ARHGAP42: variants seen among roughly 807,000 people sequenced by gnomAD.
ARHGAP42 encodes Rho GTPase activating protein 42, also known as rho GTPase-activating protein 42.
ARHGAP42 carries 63 observed loss-of-function variants against 125.0 expected under a neutral mutation model. The ratio of observed to expected loss-of-function variants is 0.50; its 90% CI spans 0.41 to 0.62. The LOEUF is 0.62. Ranked by LOEUF, ARHGAP42 falls within the 20% of genes least tolerant of loss-of-function variation. The probability of loss-of-function intolerance (pLI) is 0.00; values close to 1 mark genes in which losing one functional copy is unlikely to be tolerated. For missense variants in ARHGAP42, 766 were observed against 1,024.2 expected, an observed-to-expected ratio of 0.75 and a Z score of 3.44; for synonymous variants, 339 against 351.0, an observed-to-expected ratio of 0.97 and a Z score of 0.38.
chr11:100,976,387 G>C lies in ARHGAP42; in HGVS notation c.2186G>C (p.Gly729Ala). 2 of 1,546,052 alleles carry C rather than the reference G, an allele frequency of 1.3e-6. No homozygotes were observed. Among genetic ancestry groups the C allele is most frequent in the Non-Finnish European group, 1.7e-6 (2 of 1,145,522 alleles). Residue 729 changes from glycine to alanine, a missense_variant, in exon 20 of 24, where the codon GGA (glycine) becomes GCA (alanine). Coordinates refer to ENST00000298815, the MANE Select transcript of ARHGAP42 (RefSeq NM_152432.4). ...LVKKEPYGLS[G>A]LKRASASSLR... ...AAGAAAGAGCCTTATGGGCTTTCAG[G>C]ACTGAAAAGAGCTTCTGCTTCTTCT...
chr11:100,891,424 A>G (rs2135192431), intron 4 of ARHGAP42, among the ~76,000 whole-genome samples: 1 of 148,190 alleles, frequency 6.7e-6, no homozygotes, highest in South Asian at 2.1e-4. Flanking sequence ...ATAGGAAATA[A>G]CTTAAAAGCA....
At chr11:100,885,299 T>C (rs1866064502) in intron 4 of ARHGAP42, among the ~76,000 whole-genome samples, 1 of 152,190 alleles carries the variant, frequency 6.6e-6, no homozygotes, top group African/African-American at 2.4e-5. Flanking sequence ...CCAGAAAGTT[T>C]AGGGAACTAA....
At chr11:100,901,437 C>T (rs920083067) in intron 4 of ARHGAP42, among the ~76,000 whole-genome samples, 1 of 152,254 alleles carries the variant, frequency 6.6e-6, no homozygotes, top group African/African-American at 2.4e-5. Flanking sequence ...AACCACTGCT[C>T]TCTTCACCAT....
Position 100,945,547 on chromosome 11 carries a change from T to C in ARHGAP42, c.1043+1679T>C, listed in dbSNP as rs537879429. Among the ~76,000 whole-genome samples the C allele has an allele frequency of 2.6e-5, 4 of 152,216 alleles. No individual in the cohort carries two copies. The South Asian group carries it at 8.3e-4, about 32-fold the overall frequency. ...TCAGAAGTCTAACTTATTCCTCTTA[T>C]TCCTTGATCCATGTGCTACATAATA... is the stretch of plus-strand genomic sequence containing the variant. On this transcript the variant is annotated intron_variant, in intron 10 of 23. Coordinates refer to ENST00000298815, the MANE Select transcript of ARHGAP42 (RefSeq NM_152432.4).
intron 1 of ARHGAP42, among the ~76,000 whole-genome samples, chr11:100,739,223 C>A (rs1862128192): frequency 6.7e-6 from 1 of 149,898 alleles, no homozygotes; most frequent in African/African-American, 2.4e-5. Context: ...CTGAGTTTTA[C>A]CAAAGTGATC....
chr11:100,786,623 A>C lies in ARHGAP42; in HGVS notation c.251-8482A>C, dbSNP rs11224445. Among the ~76,000 whole-genome samples, 365 of 152,242 alleles carry C rather than the reference A, an allele frequency of 2.4e-3. 7 individuals are homozygous for C. The highest frequency in any genetic ancestry group is 0.023 in the Admixed American group (347 of 15,280). On this transcript the variant is annotated intron_variant, in intron 2 of 23. Coordinates refer to ENST00000298815, the MANE Select transcript of ARHGAP42 (RefSeq NM_152432.4). ...GAGTAGGTATTACTAAGTTGTTTTA[A>C]GCTAGTTCTGGGAGAGTATCCTAAG...
chr11:100,745,628 T>G (rs2120351798), intron 1 of ARHGAP42, among the ~76,000 whole-genome samples: 1 of 152,332 alleles, frequency 6.6e-6, no homozygotes, highest in Admixed American at 6.5e-5. Context: ...AATGCCTTTG[T>G]TATACTTCCA....
At chr11:100,710,664 C>T (rs1265636062) in intron 1 of ARHGAP42, among the ~76,000 whole-genome samples, 16 of 151,440 alleles carry the variant, frequency 1.1e-4, no homozygotes, top group Admixed American at 2.6e-4. Flanking sequence ...CTCAGCCTCC[C>T]GAAGTAGCTG....
At chr11:100,784,846 A>T (rs1249681210) in intron 2 of ARHGAP42, among the ~76,000 whole-genome samples, 1 of 152,178 alleles carries the variant, frequency 6.6e-6, no homozygotes, top group East Asian at 1.9e-4. Context: ...CTTGCATGTT[A>T]TTTAATCTGT....
chr11:100,871,156 C>T (rs992057386), intron 4 of ARHGAP42, among the ~76,000 whole-genome samples: 3 of 152,046 alleles, frequency 2.0e-5, no homozygotes, highest in Admixed American at 1.3e-4. Context: ...TAATTGGAAA[C>T]CCTCTAAAGA....
At chr11:100,723,711 C>T (rs1861804962) in intron 1 of ARHGAP42, among the ~76,000 whole-genome samples, 1 of 152,024 alleles carries the variant, frequency 6.6e-6, no homozygotes, top group African/African-American at 2.4e-5. Flanking sequence ...CATCTGTAAA[C>T]AAAAACTTTT....
chr11:100,746,768 T>C (rs531525091), intron 1 of ARHGAP42, among the ~76,000 whole-genome samples: 113 of 152,296 alleles, frequency 7.4e-4, no homozygotes, highest in African/African-American at 2.6e-3. Context: ...AGAAGCGCTC[T>C]AAAGTGGTGT....
At position 100,687,788 on chromosome 11, in the gene ARHGAP42, A is replaced by G. The variant is rs1861110184; in HGVS notation, c.110A>G (p.Lys37Arg). ...CTGGAGCGAACCAACAAGTTCATCA[A>G]GGAGCTCATTAAGGACGGCTCTCTG... ...IELERTNKFI[K>R]ELIKDGSLLI... The change falls in exon 1 of 24, where the codon AAG becomes AGG. Residue 37 changes from lysine (K) to arginine (R), a missense_variant. By Grantham distance (26) the Lys-to-Arg change is conservative. Coordinates refer to ENST00000298815, the MANE Select transcript of ARHGAP42 (RefSeq NM_152432.4). The G allele has an allele frequency of 6.4e-7, 1 of 1,550,962 alleles. No homozygotes were observed. The highest frequency in any genetic ancestry group is 1.2e-5 in the South Asian group (1 of 83,946).
At chr11:100,858,672 TAATA>T (rs1865379705) in intron 3 of ARHGAP42, among the ~76,000 whole-genome samples, 1 of 152,134 alleles carries the variant, frequency 6.6e-6, no homozygotes, top group Non-Finnish European at 1.5e-5. Context: ...TAAAGTAGGA[TAATA>T]TATTTTAAAA....
intron 4 of ARHGAP42, among the ~76,000 whole-genome samples, chr11:100,887,587 C>T (rs762713547): frequency 2.0e-5 from 3 of 152,182 alleles, no homozygotes; most frequent in Admixed American, 6.5e-5. Context: ...ATTCATCTGA[C>T]CAAGATGTGA....
intron 3 of ARHGAP42, among the ~76,000 whole-genome samples, chr11:100,838,453 T>TA (rs1446222154): frequency 6.6e-6 from 1 of 152,028 alleles, no homozygotes; most frequent in Non-Finnish European, 1.5e-5. Context: ...ATGCTTGTAA[T>TA]ACCAGCACTT....
intron 1 of ARHGAP42, among the ~76,000 whole-genome samples, chr11:100,740,751 G>C (rs1862167056): frequency 6.6e-6 from 1 of 152,174 alleles, no homozygotes; most frequent in Non-Finnish European, 1.5e-5. Flanking sequence ...TTGAGTGTCA[G>C]ATTTTGCTGC....
intron 1 of ARHGAP42, among the ~76,000 whole-genome samples, chr11:100,713,774 G>GA (rs1472692287): frequency 3.9e-5 from 6 of 151,926 alleles, no homozygotes; most frequent in Admixed American, 2.0e-4. Context: ...GCAGAAATTT[G>GA]TTTTTTTGGA....
rs533833421 is a variant in ARHGAP42, at chr11:100,823,113, A to G, written c.312+27947A>G. 2.7e-4 allele frequency among the ~76,000 whole-genome samples: 41 copies of G among 152,108 alleles called. No individual in the cohort carries two copies. In the Middle Eastern group the frequency reaches 0.01, roughly 38 times the overall value. ...CTGTATTCTGCTGTCTCAAAGTTCTATTTTTCTTCCCAGCAAACATTACTA... is the reference window on the plus strand; with the variant it reads ...CTGTATTCTGCTGTCTCAAAGTTCTGTTTTTCTTCCCAGCAAACATTACTA... On this transcript the variant is annotated intron_variant, in intron 3 of 23. Transcript: ENST00000298815.
Sources: allele counts gnomAD v4.1 joint callset (sites outside exome capture counted in the v4.1 genomes callset), GRCh38; gene constraint gnomAD v4.1.1; transcripts MANE v1.5; gene names NCBI Gene and HGNC (gene_info 2026-07-23, HGNC 2026-07-21).